SUPT3H: variants seen among roughly 807,000 people sequenced by gnomAD.
SUPT3H encodes the protein transcription initiation protein SPT3 homolog.
A neutral mutation model predicts 44.3 loss-of-function variants in SUPT3H; 44 were observed. That is an observed-to-expected ratio of 0.99 (90% CI 0.78 to 1.28). The LOEUF (loss-of-function observed/expected upper bound fraction) is 1.28, where lower values mean the gene tolerates loss of function less well. SUPT3H is among the 50% of genes most tolerant of loss of function. The probability of loss-of-function intolerance (pLI) is 0.00; values close to 1 mark genes in which losing one functional copy is unlikely to be tolerated. For missense variants in SUPT3H, 380 were observed against 387.1 expected (o/e 0.98, Z 0.15); for synonymous variants, 124 against 125.6 (o/e 0.99, Z 0.09).
intron 2 of SUPT3H, among the ~76,000 whole-genome samples, chr6:45,157,942 T>A (rs1340426726): frequency 1.3e-5 from 2 of 151,214 alleles, no homozygotes; most frequent in South Asian, 2.1e-4. Flanking sequence ...AAACTATATA[T>A]CTAAACTTAT....
intron 2 of SUPT3H, among the ~76,000 whole-genome samples, chr6:45,208,730 A>C (rs1270481164): frequency 2.1e-5 from 1 of 48,152 alleles, no homozygotes; most frequent in Non-Finnish European, 4.5e-5. Context: ...TCTCAAAAAA[A>C]AAAAAAACAA....
At chr6:45,118,349 A>G (rs1436441585) in intron 2 of SUPT3H, among the ~76,000 whole-genome samples, 1 of 152,098 alleles carries the variant, frequency 6.6e-6, no homozygotes. Flanking sequence ...GGTAGCAAAT[A>G]AAAATATTAA....
rs58237919 is a variant in SUPT3H, at chr6:45,004,620, T to A, written c.365-828A>T. On this transcript the variant is annotated intron_variant, in intron 5 of 10. Coordinates refer to ENST00000371459, the MANE Select transcript of SUPT3H (RefSeq NM_003599.4). ...TTTTGCTTGATTACTCTTTCCCATT[T>A]CCTTCCCTTTTACATGATCAGCCAA... Among the ~76,000 whole-genome samples, 1,356 of 152,208 alleles carry A rather than the reference T, an allele frequency of 8.9e-3. 25 individuals are homozygous for A. The highest frequency in any genetic ancestry group is 0.031 in the African/African-American group (1,277 of 41,546).
At chr6:45,047,870 G>T (rs966809415) in intron 3 of SUPT3H, among the ~76,000 whole-genome samples, 1 of 151,560 alleles carries the variant, frequency 6.6e-6, no homozygotes, top group Admixed American at 6.6e-5. Flanking sequence ...TTTCATATAT[G>T]TGTTGGCCAT....
intron 3 of SUPT3H, among the ~76,000 whole-genome samples, chr6:45,024,668 C>T (rs1396038042): frequency 6.6e-6 from 1 of 152,270 alleles, no homozygotes; most frequent in East Asian, 1.9e-4. Flanking sequence ...GTCAATTTGA[C>T]TGGACCGCGG....
intron 6 of SUPT3H, among the ~76,000 whole-genome samples, chr6:44,980,312 T>C (rs567684117): frequency 1.8e-4 from 27 of 151,854 alleles, no homozygotes; most frequent in Admixed American, 1.6e-3. Flanking sequence ...TCTCGGAAAC[T>C]GAAAATTTAT....
intron 5 of SUPT3H, among the ~76,000 whole-genome samples, chr6:45,013,347 T>C (rs1168073427): frequency 1.1e-4 from 17 of 152,060 alleles, no homozygotes; most frequent in Non-Finnish European, 2.1e-4. Context: ...ATTTTTACAA[T>C]GAACTTAGGT....
chr6:44,942,698 G>A (rs1390908599), intron 9 of SUPT3H, among the ~76,000 whole-genome samples: 1 of 152,140 alleles, frequency 6.6e-6, no homozygotes, highest in African/African-American at 2.4e-5. Context: ...CTGAGTAGCT[G>A]AAATAACAAG....
In SUPT3H at chr6:45,190,511, T is replaced by C. The variant is rs79155779; in HGVS notation, c.102-84505A>G. Among the ~76,000 whole-genome samples the C allele has an allele frequency of 7.5e-3, 1,144 of 152,200 alleles. 21 individuals are homozygous for C. Among genetic ancestry groups the C allele is most frequent in the African/African-American group, 0.026 (1,086 of 41,562 alleles). On this transcript the variant is annotated intron_variant, in intron 2 of 10. Coordinates refer to ENST00000371459, the MANE Select transcript of SUPT3H (RefSeq NM_003599.4). ...TGAAACTTATGTGAAAAAAAAATGATGGAAGACTTTGTTGGGTTATTCTCA... is the reference window on the plus strand; with the variant it reads ...TGAAACTTATGTGAAAAAAAAATGACGGAAGACTTTGTTGGGTTATTCTCA...
intron 10 of SUPT3H, among the ~76,000 whole-genome samples, chr6:44,893,567 C>T (rs1388207683): frequency 2.0e-5 from 3 of 152,252 alleles, no homozygotes; most frequent in African/African-American, 4.8e-5. Flanking sequence ...TTTTTTATGG[C>T]TGCACAGTAT....
intron 3 of SUPT3H, among the ~76,000 whole-genome samples, chr6:45,068,540 A>T (rs538646470): frequency 6.6e-6 from 1 of 152,320 alleles, no homozygotes; most frequent in South Asian, 2.1e-4. Context: ...TTCATTTCTG[A>T]AATCGGTACT....
At chr6:45,213,460 T>C (rs1245674060) in intron 2 of SUPT3H, among the ~76,000 whole-genome samples, 2 of 152,056 alleles carry the variant, frequency 1.3e-5, no homozygotes, top group Non-Finnish European at 1.5e-5. Context: ...TTAACATCAC[T>C]GAGGGAATAT....
chr6:45,106,522 A>G (rs1439180576), intron 2 of SUPT3H, among the ~76,000 whole-genome samples: 1 of 152,018 alleles, frequency 6.6e-6, no homozygotes, highest in Non-Finnish European at 1.5e-5. Context: ...CTATTTCTGG[A>G]TTCGTACAGT....
chr6:44,954,727 T>C, intron 7 of SUPT3H, 120 bp from the exon 8 acceptor site: 3 of 637,982 alleles, frequency 4.7e-6, no homozygotes, highest in South Asian at 2.0e-5. Flanking sequence ...ATAATGCACA[T>C]AAAATGCATA....
intron 10 of SUPT3H, among the ~76,000 whole-genome samples, chr6:44,838,000 A>G (rs1770229241): frequency 6.6e-6 from 1 of 152,216 alleles, no homozygotes; most frequent in Non-Finnish European, 1.5e-5. Flanking sequence ...GAGTAAGAAC[A>G]CAGATAGCAA....
chr6:45,067,627 A>G (rs1400178374), intron 3 of SUPT3H, among the ~76,000 whole-genome samples: 1 of 151,620 alleles, frequency 6.6e-6, no homozygotes, highest in Non-Finnish European at 1.5e-5. Context: ...GAAAAAAAAA[A>G]CAACCCCATC....
chr6:44,942,593 C>A (rs1165158354), intron 9 of SUPT3H, among the ~76,000 whole-genome samples: 1 of 152,082 alleles, frequency 6.6e-6, no homozygotes, highest in Non-Finnish European at 1.5e-5. Flanking sequence ...AAATTTTACC[C>A]AAATATTTTT....
At chr6:44,814,177 T>C (rs1766745170) in intron 11 of SUPT3H, among the ~76,000 whole-genome samples, 2 of 152,104 alleles carry the variant, frequency 1.3e-5, no homozygotes, top group South Asian at 2.1e-4. Flanking sequence ...GTCTGATGTG[T>C]GAAAAATAAT....
intron 10 of SUPT3H, among the ~76,000 whole-genome samples, chr6:44,878,921 C>T (rs563612962): frequency 1.3e-4 from 20 of 152,208 alleles, no homozygotes; most frequent in African/African-American, 3.6e-4. Context: ...CTAGGGTCTT[C>T]GCAACCCTCA....
Sources: gnomAD v4.1 joint callset for allele counts (sites outside exome capture counted in the v4.1 genomes callset) on GRCh38, gnomAD v4.1.1 for gene constraint, MANE v1.5 for transcripts, NCBI Gene and HGNC (gene_info 2026-07-23, HGNC 2026-07-21) for gene names.